The following SUMF1 variants were observed in gnomAD, a reference collection of about 807,000 sequenced individuals.
The protein encoded by SUMF1 is formylglycine-generating enzyme.
A neutral mutation model predicts 47.6 loss-of-function variants in SUMF1; 48 were observed. The observed-to-expected ratio is 1.01, with a 90% CI of 0.80 to 1.28. The LOEUF is 1.28. Ranked by LOEUF, SUMF1 falls within the 50% of genes most tolerant of loss-of-function variation. The probability of loss-of-function intolerance (pLI) is 0.00; values close to 1 mark genes in which losing one functional copy is unlikely to be tolerated. For synonymous variants in SUMF1, 230 were observed against 192.1 expected, an observed-to-expected ratio of 1.20 and a Z score of -1.63; for missense variants, 571 against 485.4, an observed-to-expected ratio of 1.18 and a Z score of -1.66.
At chr3:4,074,697 A>T (rs1476709600) in intron 8 of SUMF1, among the ~76,000 whole-genome samples, 2 of 152,144 alleles carry the variant, frequency 1.3e-5, no homozygotes, top group Non-Finnish European at 2.9e-5. Flanking sequence ...ACCATCAGAG[A>T]ATAGTATAAA....
chr3:4,408,260 G>C (rs1701434428), intron 7 of SUMF1, among the ~76,000 whole-genome samples: 2 of 152,198 alleles, frequency 1.3e-5, no homozygotes, highest in African/African-American at 4.8e-5. Flanking sequence ...CCTGCACACT[G>C]ACCAGAGCAC....
intron 8 of SUMF1, among the ~76,000 whole-genome samples, chr3:4,088,103 A>C (rs780470747): frequency 3.9e-5 from 6 of 152,106 alleles, no homozygotes; most frequent in Non-Finnish European, 8.8e-5. Flanking sequence ...TTTGACTCCT[A>C]CTGAGAAGAT....
rs376501374 is a variant in SUMF1, at chr3:4,442,998, G to A, written c.519+6268C>T. Among the ~76,000 whole-genome samples, 30 of 152,026 alleles carry A rather than the reference G, an allele frequency of 2.0e-4. 1 individual carries two copies. The South Asian group carries it at 2.5e-3, about 13-fold the overall frequency. On this transcript the variant is annotated intron_variant, in intron 3 of 8. Transcript: ENST00000272902. ...ATGGTGTTTTAAAATGAGGTAGGCC[G>A]GGCATGGTGGCTCATGTCTGTAATC... is the stretch of plus-strand genomic sequence containing the variant.
At chr3:4,073,484 A>G (rs1340574132) in intron 8 of SUMF1, among the ~76,000 whole-genome samples, 2 of 152,162 alleles carry the variant, frequency 1.3e-5, no homozygotes, top group South Asian at 2.1e-4. Flanking sequence ...CACACATAAC[A>G]ATACTAACCT....
chr3:4,412,597 A>T (rs557400270), intron 6 of SUMF1, among the ~76,000 whole-genome samples: 1 of 152,310 alleles, frequency 6.6e-6, no homozygotes, highest in South Asian at 2.1e-4. Context: ...TTAAAAGATG[A>T]AACAGGCCAG....
intron 8 of SUMF1, among the ~76,000 whole-genome samples, chr3:4,190,342 T>C (rs538616888): frequency 1.3e-5 from 2 of 152,138 alleles, no homozygotes; most frequent in Non-Finnish European, 2.9e-5. Context: ...CAGCAACGTG[T>C]CTGTAGGCAG....
chr3:4,456,999 T>C (rs1174331430), intron 1 of SUMF1, among the ~76,000 whole-genome samples: 2 of 133,820 alleles, frequency 1.5e-5, no homozygotes, highest in Non-Finnish European at 3.3e-5. Context: ...TACGTGTGTG[T>C]ATATATATAC....
intron 7 of SUMF1, among the ~76,000 whole-genome samples, chr3:4,380,338 G>A (rs994070452): frequency 8.5e-5 from 13 of 152,114 alleles, no homozygotes; most frequent in African/African-American, 2.9e-4. Flanking sequence ...ACCAAATACC[G>A]CATGTTCTCA....
chr3:4,153,730 T>C (rs759625382), intron 8 of SUMF1, among the ~76,000 whole-genome samples: 1 of 151,606 alleles, frequency 6.6e-6, no homozygotes, highest in Non-Finnish European at 1.5e-5. Context: ...CTCCTTTGTA[T>C]AGTTATTGTA....
intron 8 of SUMF1, among the ~76,000 whole-genome samples, chr3:4,179,903 C>T (rs1424602013): frequency 1.3e-5 from 2 of 152,170 alleles, no homozygotes; most frequent in Admixed American, 6.5e-5. Context: ...ACACACTTCT[C>T]AAAAGAAGAC....
chr3:4,346,529 G>C (rs308712), intron 8 of SUMF1, among the ~76,000 whole-genome samples: 11,192 of 152,126 alleles, frequency 0.074, 610 homozygotes, highest in South Asian at 0.29. Context: ...AGCTAAAACA[G>C]AGTTAAGAGG....
intron 8 of SUMF1, among the ~76,000 whole-genome samples, chr3:4,344,574 G>A (rs1376540656): frequency 1.3e-5 from 2 of 152,138 alleles, no homozygotes; most frequent in Non-Finnish European, 2.9e-5. Context: ...TCACGAAGAT[G>A]AGAATCAATG....
At chr3:4,220,286 A>G (rs1204635794) in intron 8 of SUMF1, among the ~76,000 whole-genome samples, 1 of 152,092 alleles carries the variant, frequency 6.6e-6, no homozygotes, top group Non-Finnish European at 1.5e-5. Context: ...AGACTGCTTA[A>G]TTAGTCTCCT....
At chr3:4,352,003 C>T (rs1299704770) in intron 8 of SUMF1, among the ~76,000 whole-genome samples, 1 of 152,074 alleles carries the variant, frequency 6.6e-6, no homozygotes, top group African/African-American at 2.4e-5. Context: ...AATTTAAGCC[C>T]AGACAGTCTG....
chr3:4,255,735 G>A (rs1436144344), intron 8 of SUMF1, among the ~76,000 whole-genome samples: 2 of 133,350 alleles, frequency 1.5e-5, no homozygotes, highest in Admixed American at 1.5e-4. Context: ...GGATACCCAG[G>A]AATTGAACTC....
rs1695297155 is a variant in SUMF1 at position 4,062,756 on chromosome 3, A to C, written c.1191+5813T>G. Among the ~76,000 whole-genome samples, 3 of 152,172 alleles carry C rather than the reference A, an allele frequency of 2.0e-5. 1 individual carries two copies. The South Asian group carries it at 6.2e-4, about 32-fold the overall frequency. On this transcript the variant is annotated intron_variant and NMD_transcript_variant, in intron 9 of 12. Transcript: ENST00000448413. The stretch of plus-strand genomic sequence containing the variant: ...GCATTTTGGTACCTTGATGTCAACA[A>C]GGGTTGCACAATGAGTTTCAATATG...
At chr3:4,131,543 G>A (rs577335745) in intron 8 of SUMF1, among the ~76,000 whole-genome samples, 3 of 152,288 alleles carry the variant, frequency 2.0e-5, no homozygotes, top group South Asian at 2.1e-4. Context: ...TTCGAGCAGT[G>A]CACCTGGTTG....
intron 3 of SUMF1, among the ~76,000 whole-genome samples, chr3:4,444,811 T>C (rs140031405): frequency 1.3e-5 from 2 of 152,300 alleles, no homozygotes; most frequent in Non-Finnish European, 2.9e-5. Flanking sequence ...ACCAACCTAA[T>C]AGCAATGAGC....
chr3:4,126,978 T>C (rs867736776), intron 8 of SUMF1, among the ~76,000 whole-genome samples: 2 of 152,064 alleles, frequency 1.3e-5, no homozygotes, highest in Non-Finnish European at 2.9e-5. Context: ...AAAATTACAA[T>C]AGGGTTAGAA....
Sources: gnomAD v4.1 joint callset for allele counts (sites outside exome capture counted in the v4.1 genomes callset) on GRCh38, gnomAD v4.1.1 for gene constraint, MANE v1.5 for transcripts, NCBI Gene and HGNC (gene_info 2026-07-23, HGNC 2026-07-21) for gene names.